Variants in IL22RA2 observed in about 807,000 individuals in gnomAD.
IL22RA2 encodes the protein interleukin-22 receptor subunit alpha-2.
A neutral mutation model predicts 30.7 loss-of-function variants in IL22RA2; 39 were observed. That is an observed-to-expected ratio of 1.27 (90% confidence interval 0.98 to 1.66). IL22RA2 has a LOEUF of 1.66. Among genes scored for constraint, IL22RA2 ranks in the 40% most tolerant of loss-of-function variants. The pLI is 0.00. For synonymous variants in IL22RA2, 103 were observed against 105.0 expected, an observed-to-expected ratio of 0.98 and a Z score of 0.11; for missense variants, 315 against 312.7, an observed-to-expected ratio of 1.01 and a Z score of -0.05.
rs927450807 is a variant in IL22RA2 at position 137,160,845 on chromosome 6, T to C, written c.61+844A>G. Among the ~76,000 whole-genome samples, 6 of 152,232 alleles carry C rather than the reference T, an allele frequency of 3.9e-5. No homozygotes were observed. The East Asian group carries it at 9.6e-4, about 24-fold the overall frequency. On this transcript the variant is annotated intron_variant, in intron 2 of 6. Coordinates refer to ENST00000296980, the MANE Select transcript of IL22RA2 (RefSeq NM_052962.3). ...TAGCATTTGAATTCCTGCCGTATTT[T>C]GCTAAATGTGCCCTTGCTGTTACCA...
chr6:137,157,388 T>C (rs1398271410), intron 3 of IL22RA2, among the ~76,000 whole-genome samples: 2 of 152,150 alleles, frequency 1.3e-5, no homozygotes, highest in Admixed American at 6.5e-5. Flanking sequence ...GAAACCTTCA[T>C]TGTAAAGATT....
At chr6:137,167,348 A>G (rs112983595) in intron 1 of IL22RA2, among the ~76,000 whole-genome samples, 4 of 152,264 alleles carry the variant, frequency 2.6e-5, no homozygotes, top group African/African-American at 9.6e-5. Flanking sequence ...ACCCCTACTA[A>G]ATTAACTGGG....
In IL22RA2 at chr6:137,144,569, G is replaced by C. The variant is rs1449886494; in HGVS notation, c.*1055C>G. The stretch of plus-strand genomic sequence containing the variant: ...TCTACTCAGGAGAGGCAGTGAGCAG[G>C]AGGGGCCAGTTTGGAGGGCTTTGTC... On this transcript the variant is annotated 3_prime_UTR_variant, in exon 7 of 7. Coordinates refer to ENST00000296980, the MANE Select transcript of IL22RA2 (RefSeq NM_052962.3). The C allele has an allele frequency of 2.0e-5, 3 of 152,430 alleles. No individual in the cohort carries two copies. Among genetic ancestry groups the C allele is most frequent in the East Asian group, 1.9e-4 (1 of 5,192 alleles). The allele number at this position is 152,430 out of a possible 1,614,324, so 9.4% of individuals were successfully genotyped here. A position where few individuals can be genotyped will look rare whatever the true frequency, so the allele number is the denominator to read the frequency against.
At chr6:137,160,571 A>G (rs1778501847) in intron 2 of IL22RA2, among the ~76,000 whole-genome samples, 1 of 152,180 alleles carries the variant, frequency 6.6e-6, no homozygotes, top group Non-Finnish European at 1.5e-5. Context: ...GCTATACTTT[A>G]TCTTCTTCCT....
chr6:137,160,887 C>A (rs1184933267), intron 2 of IL22RA2, among the ~76,000 whole-genome samples: 1 of 152,202 alleles, frequency 6.6e-6, no homozygotes, highest in African/African-American at 2.4e-5. Flanking sequence ...AGAGTCTTCT[C>A]AAATCCAAAC....
chr6:137,161,322 G>A (rs1381318243), intron 2 of IL22RA2, among the ~76,000 whole-genome samples: 6 of 152,152 alleles, frequency 3.9e-5, no homozygotes, highest in Non-Finnish European at 8.8e-5. Flanking sequence ...TAACCACCAT[G>A]ATTTAGTGTT....
chr6:137,152,332 A>G (rs1041458142), intron 5 of IL22RA2, among the ~76,000 whole-genome samples: 2 of 152,236 alleles, frequency 1.3e-5, no homozygotes, highest in Non-Finnish European at 2.9e-5. Context: ...ATGTCTATCA[A>G]CTGAAGAAAG....
At position 137,145,561 on chromosome 6, in the gene IL22RA2, C is replaced by T. The variant is rs899623871; in HGVS notation, c.*63G>A. 2.5e-5 allele frequency: 36 copies of T among 1,445,292 alleles called. No homozygotes were observed. Among genetic ancestry groups the T allele is most frequent in the East Asian group, 1.2e-4 (5 of 42,940 alleles). The allele number at this position is 1,445,292 out of a possible 1,614,324, so 89.5% of individuals were successfully genotyped here. ...AATTTTAAATAAGATCCTTCAAACA[C>T]GAGTCATCCTGTTCTCAGGGAGCTT... On this transcript the variant is annotated 3_prime_UTR_variant, in exon 7 of 7. Coordinates refer to ENST00000296980, the MANE Select transcript of IL22RA2 (RefSeq NM_052962.3).
chr6:137,170,574 C>G (rs1025515583), intron 1 of IL22RA2, among the ~76,000 whole-genome samples: 1 of 152,156 alleles, frequency 6.6e-6, no homozygotes, highest in Admixed American at 6.5e-5. Flanking sequence ...TTCTGTAACT[C>G]GATTCCCGCC....
At chr6:137,163,638 A>G (rs990236106) in intron 1 of IL22RA2, among the ~76,000 whole-genome samples, 2 of 152,188 alleles carry the variant, frequency 1.3e-5, no homozygotes, top group African/African-American at 2.4e-5. Flanking sequence ...TCCCATAAGG[A>G]TGGAAGGGGA....
At position 137,147,788 on chromosome 6, in the gene IL22RA2, AT is replaced by A. The variant is rs756450081; in HGVS notation, c.575del (p.Asn192MetfsTer4). 7.5e-6 allele frequency: 12 copies of A among 1,609,218 alleles called. No homozygotes were observed. The East Asian group carries it at 1.6e-4, about 21-fold the overall frequency. ...GTTCATAGTAATCTTCTATAGATAC[AT>A]TTTTTTCCTTTTGGTATCTATATGG... ...NLPYRYQKEK[N>X]VSIEDYYELL... On this transcript the variant is annotated frameshift_variant, in exon 6 of 7. Transcript: ENST00000296980. LOFTEE classifies it high-confidence loss of function.
intron 6 of IL22RA2, 110 bp from the exon 7 acceptor site, chr6:137,145,883 TG>T: frequency 8.8e-7 from 1 of 1,136,518 alleles, no homozygotes; most frequent in Admixed American, 2.0e-5. Flanking sequence ...AGATGGGTTG[TG>T]GGGTTTCTTC....
chr6:137,156,956 A>T (rs570296688), intron 3 of IL22RA2, 102 bp from the exon 4 acceptor site: 19 of 1,490,838 alleles, frequency 1.3e-5, no homozygotes, highest in East Asian at 9.3e-5. Context: ...TTCCATGACA[A>T]ATTCAGTCTT....
At chr6:137,158,903 G>T (rs1778465029) in intron 2 of IL22RA2, among the ~76,000 whole-genome samples, 1 of 152,040 alleles carries the variant, frequency 6.6e-6, no homozygotes, top group Non-Finnish European at 1.5e-5. Flanking sequence ...ACCACTTCTG[G>T]GCTCCAGGAC....
chr6:137,153,224 G>A (rs144663662), intron 5 of IL22RA2, among the ~76,000 whole-genome samples: 157 of 152,238 alleles, frequency 1.0e-3, no homozygotes, highest in African/African-American at 3.6e-3. Flanking sequence ...TTAAGTTAAT[G>A]TGAAAGGAGT....
chr6:137,145,936 G>A (rs1370236595), intron 6 of IL22RA2, among the ~76,000 whole-genome samples, 163 bp from the exon 7 acceptor site: 1 of 152,206 alleles, frequency 6.6e-6, no homozygotes, highest in Admixed American at 6.5e-5. Context: ...GCCATAGCCT[G>A]GTAAAGGGAC....
At chr6:137,156,439 A>C (rs543016158) in intron 4 of IL22RA2, among the ~76,000 whole-genome samples, 1 of 152,350 alleles carries the variant, frequency 6.6e-6, no homozygotes, top group East Asian at 1.9e-4. Context: ...TATTGAGTAT[A>C]ATTTGATGTT....
rs553515897 is a variant in IL22RA2, at chr6:137,156,442, T to C, written c.293+317A>G. Among the ~76,000 whole-genome samples, 15 of 152,326 alleles carry C rather than the reference T, an allele frequency of 9.8e-5. No homozygotes were observed. The South Asian group carries it at 3.1e-3, about 32-fold the overall frequency. ...AACCACAACATATATTGAGTATAAT[T>C]TGATGTTTTAAAATTATTATTTATT... On this transcript the variant is annotated intron_variant, in intron 4 of 6. Transcript: ENST00000296980.
At chr6:137,171,105 G>T (rs1778725644) in intron 1 of IL22RA2, among the ~76,000 whole-genome samples, 2 of 152,146 alleles carry the variant, frequency 1.3e-5, no homozygotes, top group Non-Finnish European at 2.9e-5. Context: ...AAGGAATAAT[G>T]ATGGCTGCTA....
Sources: gnomAD v4.1 joint callset for allele counts (sites outside exome capture counted in the v4.1 genomes callset) on GRCh38, gnomAD v4.1.1 for gene constraint, MANE v1.5 for transcripts, NCBI Gene and HGNC (gene_info 2026-07-23, HGNC 2026-07-21) for gene names.